The following ARHGEF38 variants were observed in gnomAD, a reference collection of about 807,000 sequenced individuals.
The protein encoded by ARHGEF38 is Rho guanine nucleotide exchange factor 38, also known as Rho guanine nucleotide exchange factor (GEF) 38.
In ARHGEF38, 79 loss-of-function variants were observed where a neutral mutation model predicts 79.9. That is an observed-to-expected ratio of 0.99 (90% confidence interval 0.82 to 1.19). The LOEUF is 1.19. Ranked by LOEUF, ARHGEF38 falls within the 50% of genes most tolerant of loss-of-function variation. The pLI is 0.00. For missense variants in ARHGEF38, 962 were observed against 907.2 expected, an observed-to-expected ratio of 1.06 and a Z score of -0.78; for synonymous variants, 366 against 328.3, an observed-to-expected ratio of 1.11 and a Z score of -1.24.
At chr4:105,673,359 G>C (rs72670002) in intron 13 of ARHGEF38, among the ~76,000 whole-genome samples, 2 of 151,998 alleles carry the variant, frequency 1.3e-5, no homozygotes, top group African/African-American at 4.8e-5. Context: ...AGTTTTGGGG[G>C]GCAGTTCAGT....
chr4:105,609,649 G>A (rs547217572), intron 2 of ARHGEF38, among the ~76,000 whole-genome samples: 17 of 152,002 alleles, frequency 1.1e-4, no homozygotes, highest in African/African-American at 4.1e-4. Context: ...AAGCGCCAAA[G>A]CAACCTTGAG....
intron 1 of ARHGEF38, among the ~76,000 whole-genome samples, chr4:105,587,004 A>T (rs1727085328): frequency 6.6e-6 from 1 of 151,834 alleles, no homozygotes. Flanking sequence ...GCCACAATGC[A>T]GCCTCCTCAC....
intron 2 of ARHGEF38, among the ~76,000 whole-genome samples, chr4:105,602,665 C>T (rs1026426001): frequency 1.3e-5 from 2 of 152,060 alleles, no homozygotes; most frequent in Non-Finnish European, 2.9e-5. Context: ...AGATGATGCA[C>T]CCAAAGACCA....
At chr4:105,565,977 C>T (rs567710590) in intron 1 of ARHGEF38, among the ~76,000 whole-genome samples, 9 of 152,284 alleles carry the variant, frequency 5.9e-5, no homozygotes, top group African/African-American at 1.9e-4. Flanking sequence ...CCTTCTTTCC[C>T]CTAGTGACTG....
In ARHGEF38 at chr4:105,557,537, G is replaced by A. The variant is rs1032961488; in HGVS notation, c.196+4576G>A. Among the ~76,000 whole-genome samples, 3 of 151,632 alleles carry A rather than the reference G, an allele frequency of 2.0e-5. 1 individual carries two copies. In the South Asian group the frequency reaches 6.3e-4, roughly 32 times the overall value. On this transcript the variant is annotated intron_variant, in intron 1 of 13. Coordinates refer to ENST00000420470, the MANE Select transcript of ARHGEF38 (RefSeq NM_001242729.2). The stretch of plus-strand genomic sequence containing the variant: ...CCAATGTGACAGTATTAGGAGGTGG[G>A]GTCTTTGGGAGGTAATTAGGTATTG...
intron 1 of ARHGEF38, among the ~76,000 whole-genome samples, chr4:105,560,516 T>C (rs17431084): frequency 0.024 from 3,614 of 152,316 alleles, 68 homozygotes; most frequent in Middle Eastern, 0.071. Context: ...TTTATCTGGA[T>C]AGGTGATATT....
intron 13 of ARHGEF38, among the ~76,000 whole-genome samples, chr4:105,671,575 G>C (rs918421533): frequency 6.6e-6 from 1 of 152,154 alleles, no homozygotes; most frequent in African/African-American, 2.4e-5. Context: ...TTGGCTTTGA[G>C]AAATTGTGGG....
At chr4:105,559,050 GAAAAA>G (rs397820180) in intron 1 of ARHGEF38, among the ~76,000 whole-genome samples, 1 of 147,416 alleles carries the variant, frequency 6.8e-6, no homozygotes, top group Non-Finnish European at 1.5e-5. Flanking sequence ...CACAGGAAAA[GAAAAA>G]AAAAAACCTC....
chr4:105,627,339 A>G (rs1242503998), intron 3 of ARHGEF38, among the ~76,000 whole-genome samples: 2 of 152,166 alleles, frequency 1.3e-5, no homozygotes, highest in Admixed American at 1.3e-4. Context: ...GCAGGATCAC[A>G]ATACTATAAA....
At position 105,679,546 on chromosome 4, in the gene ARHGEF38, C is replaced by T; in HGVS notation, c.*1609C>T. On this transcript the variant is annotated 3_prime_UTR_variant, in exon 14 of 14. Transcript: ENST00000420470. ...ACACCAGAAATGTGGGCTAAAGCTG[C>T]AGCCAATGCATCTATCGCCCCTTTC... The T allele has an allele frequency of 8.7e-7, 1 of 1,149,904 alleles. No individual in the cohort carries two copies. Among genetic ancestry groups the T allele is most frequent in the Non-Finnish European group, 1.3e-6 (1 of 759,068 alleles). The allele number at this position is 1,149,904 out of a possible 1,614,324, so 71.2% of individuals were successfully genotyped here.
chr4:105,561,462 A>ATAGAG, intron 1 of ARHGEF38: 1 of 86,962 alleles, frequency 1.1e-5, no homozygotes, highest in Non-Finnish European at 2.4e-5. Flanking sequence ...ATAGAATAGA[A>ATAGAG]TAGAATAGAA....
intron 7 of ARHGEF38, among the ~76,000 whole-genome samples, chr4:105,651,022 C>A (rs1014878071): frequency 1.3e-5 from 2 of 152,130 alleles, no homozygotes; most frequent in East Asian, 1.9e-4. Context: ...CAATTCCCCC[C>A]CCAAGTCTTT....
chr4:105,585,726 CTTTTTTTT>C (rs3056719), intron 1 of ARHGEF38, among the ~76,000 whole-genome samples: 4 of 71,504 alleles, frequency 5.6e-5, no homozygotes, highest in Admixed American at 2.6e-4. Context: ...CCCTCCGTTG[CTTTTTTTT>C]TTTTTTTTTT....
At chr4:105,635,264 T>C (rs1729352377) in intron 4 of ARHGEF38, among the ~76,000 whole-genome samples, 1 of 152,158 alleles carries the variant, frequency 6.6e-6, no homozygotes, top group Admixed American at 6.6e-5. Flanking sequence ...TAAAAGAGAT[T>C]TTTTTAAAAA....
intron 1 of ARHGEF38, among the ~76,000 whole-genome samples, chr4:105,573,866 C>T (rs898345509): frequency 3.3e-5 from 5 of 151,948 alleles, no homozygotes. Context: ...CATATCTTCT[C>T]ATGTATTTAT....
chr4:105,655,710 G>A lies in ARHGEF38; in HGVS notation c.1221G>A (p.Ser407=), dbSNP rs765836711. The part of the protein sequence containing the change: ...YSETLSNALN[S]CHDFASHLQR... ...AGACCCTAAGTAATGCCTTAAATTC[G>A]TGTCATGACTTTGTAAGTTATTTAT... Residue 407 remains serine, a synonymous_variant, in exon 9 of 14, where the codon TCG becomes TCA. Transcript: ENST00000420470. 8 of 1,534,088 alleles carry A rather than the reference G, an allele frequency of 5.2e-6. No homozygotes were observed. The highest frequency in any genetic ancestry group is 4.8e-5 in the South Asian group (4 of 83,658).
intron 3 of ARHGEF38, among the ~76,000 whole-genome samples, chr4:105,615,796 A>G (rs1259731901): frequency 1.3e-5 from 2 of 152,152 alleles, no homozygotes; most frequent in African/African-American, 4.8e-5. Context: ...TCGTATGCCA[A>G]CCTTTTCTAG....
chr4:105,679,823 G>T lies in ARHGEF38; in HGVS notation c.*1886G>T. The T allele has an allele frequency of 8.1e-7, 1 of 1,236,274 alleles. No homozygotes were observed. The highest frequency in any genetic ancestry group is 1.2e-6 in the Non-Finnish European group (1 of 841,490). 76.6% of individuals were successfully genotyped at this position (1,236,274 alleles called of 1,614,324 possible). A position where few individuals can be genotyped will look rare whatever the true frequency, so the allele number is the denominator to read the frequency against. On this transcript the variant is annotated 3_prime_UTR_variant, in exon 14 of 14. Transcript: ENST00000420470. ...CACGCATCCAGAGAGATGGATATAG[G>T]ACTCAATATCCTGAGGAGGAGAACT...
intron 7 of ARHGEF38, among the ~76,000 whole-genome samples, chr4:105,652,338 T>C (rs1395591070): frequency 5.3e-5 from 8 of 152,220 alleles, no homozygotes; most frequent in Admixed American, 1.3e-4. Flanking sequence ...ATTATTTTCA[T>C]TAAAACAACA....
Sources: gnomAD v4.1 joint callset for allele counts (sites outside exome capture counted in the v4.1 genomes callset) on GRCh38, gnomAD v4.1.1 for gene constraint, MANE v1.5 for transcripts, NCBI Gene and HGNC (gene_info 2026-07-23, HGNC 2026-07-21) for gene names.